The following KLHL40 variants were observed in gnomAD, a reference collection of about 807,000 sequenced individuals.
The protein encoded by KLHL40 is kelch-like protein 40.
Under a neutral mutation model 49.7 loss-of-function variants are expected in KLHL40, and 44 were observed. The ratio of observed to expected loss-of-function variants is 0.89; its 90% CI spans 0.70 to 1.14. The LOEUF (loss-of-function observed/expected upper bound fraction) is 1.14, where lower values mean the gene tolerates loss of function less well. Ranked by LOEUF, KLHL40 falls within the 50% of genes most tolerant of loss-of-function variation. The probability of loss-of-function intolerance (pLI) is 0.00; values close to 1 mark genes in which losing one functional copy is unlikely to be tolerated. For synonymous variants in KLHL40, 409 were observed against 365.2 expected, an observed-to-expected ratio of 1.12 and a Z score of -1.37; for missense variants, 892 against 850.3, an observed-to-expected ratio of 1.05 and a Z score of -0.61.
chr3:42,687,189 A>C (rs1349022300), intron 1 of KLHL40, among the ~76,000 whole-genome samples: 1 of 152,180 alleles, frequency 6.6e-6, no homozygotes, highest in African/African-American at 2.4e-5. Context: ...CAGATGAGGA[A>C]ACTGAGGCCC....
At position 42,690,936 on chromosome 3, in the gene KLHL40, T is replaced by C. The variant is rs2125846118; in HGVS notation, c.1685T>C (p.Ile562Thr). 1 of 1,613,638 alleles carries C rather than the reference T, an allele frequency of 6.2e-7. No individual in the cohort carries two copies. Among genetic ancestry groups the C allele is most frequent in the East Asian group, 2.2e-5 (1 of 44,876 alleles). Residue 562 changes from isoleucine to threonine, a missense_variant, in exon 5 of 6, where the codon ATT (isoleucine) becomes ACT (threonine). Physicochemically the swap from Ile to Thr is moderately conservative, Grantham distance 89. Coordinates refer to ENST00000287777, the MANE Select transcript of KLHL40 (RefSeq NM_152393.4). ...LVSLVGTLYAIGGFATLETES... is the reference protein window; with the variant it reads ...LVSLVGTLYATGGFATLETES... ...AGCCTGGTGGGTACCCTCTATGCCA[T>C]TGGTGGCTTTGCCACACTGGAGACG...
At position 42,688,662 on chromosome 3, in the gene KLHL40, A is replaced by T; in HGVS notation, c.1366A>T (p.Thr456Ser). ...GCTGCCTTACGTGGTGTATGGCCACACAGTGCTCTCCCACATGGACCTTGT... is the reference window on the plus strand; with the variant it reads ...GCTGCCTTACGTGGTGTATGGCCACTCAGTGCTCTCCCACATGGACCTTGT... ...DPLPYVVYGH[T>S]VLSHMDLVYV... Residue 456 changes from threonine to serine, a missense_variant, in exon 3 of 6, where the codon ACA becomes TCA. Coordinates refer to ENST00000287777, the MANE Select transcript of KLHL40 (RefSeq NM_152393.4). This position sits in a 1 kb window ranked among gnomAD's most constrained non-coding sequence, Gnocchi z 4.2. The T allele has an allele frequency of 6.2e-7, 1 of 1,614,066 alleles. No homozygotes were observed. Among genetic ancestry groups the T allele is most frequent in the Non-Finnish European group, 8.5e-7 (1 of 1,180,022 alleles).
chr3:42,690,970 A>G lies in KLHL40; in HGVS notation c.1719A>G (p.Gly573=). 6.2e-7 allele frequency: 1 copy of G among 1,613,332 alleles called. No individual in the cohort carries two copies. Among genetic ancestry groups the G allele is most frequent in the East Asian group, 2.2e-5 (1 of 44,854 alleles). The change falls in exon 5 of 6, where the codon GGA becomes GGG. Residue 573 remains glycine, a synonymous_variant. Coordinates refer to ENST00000287777, the MANE Select transcript of KLHL40 (RefSeq NM_152393.4). ...GGFATLETES[G]ELVPTELNDI... is the part of the protein sequence containing the mutation. The stretch of plus-strand genomic sequence containing the variant: ...TTGCCACACTGGAGACGGAGTCTGG[A>G]GAGCTGGTTCCCACAGAGCTCAATG...
In KLHL40 at chr3:42,688,920, G is replaced by A; in HGVS notation, c.1473G>A (p.Lys491=). Residue 491 remains lysine, a synonymous_variant, in exon 4 of 6, where the codon AAG becomes AAA. Transcript: ENST00000287777. This position sits in a 1 kb window ranked among gnomAD's most constrained non-coding sequence, Gnocchi z 4.2. ...CVYDPKKFEW[K]ELAPMQTARS... is the part of the protein sequence containing the mutation. ...ATGACCCCAAGAAGTTTGAGTGGAAGGAGCTGGCACCCATGCAGACCGCCC... is the reference window on the plus strand; with the variant it reads ...ATGACCCCAAGAAGTTTGAGTGGAAAGAGCTGGCACCCATGCAGACCGCCC... 6.2e-7 allele frequency: 1 copy of A among 1,614,178 alleles called. No homozygotes were observed. Among genetic ancestry groups the A allele is most frequent in the Non-Finnish European group, 8.5e-7 (1 of 1,180,018 alleles).
chr3:42,689,835 G>A (rs763034976), intron 4 of KLHL40, among the ~76,000 whole-genome samples: 20 of 152,130 alleles, frequency 1.3e-4, no homozygotes, highest in Non-Finnish European at 2.2e-4. Flanking sequence ...CTCGGTATGC[G>A]GAGGGCTGAA....
Position 42,692,035 on chromosome 3 carries a change from G to T in KLHL40, c.*42G>T. The T allele has an allele frequency of 1.6e-6, 2 of 1,214,116 alleles. No individual in the cohort carries two copies. Among genetic ancestry groups the T allele is most frequent in the South Asian group, 1.2e-5 (1 of 82,520 alleles). 75.2% of individuals were successfully genotyped at this position (1,214,116 alleles called of 1,614,324 possible). The stretch of plus-strand genomic sequence containing the variant: ...GAACTAAGCACCCCTCCCATCCTGC[G>T]ACCCTCACTGGCCTGGCCTTGTGGG... On this transcript the variant is annotated 3_prime_UTR_variant, in exon 6 of 6. Transcript: ENST00000287777.
intron 1 of KLHL40, among the ~76,000 whole-genome samples, 158 bp from the exon 2 acceptor site, chr3:42,687,984 A>G (rs766702628): frequency 6.6e-6 from 1 of 151,920 alleles, no homozygotes; most frequent in Non-Finnish European, 1.5e-5. Flanking sequence ...TCTCAGCCTG[A>G]TGGTAGGAGG....
Position 42,692,009 on chromosome 3 carries a change from T to G in KLHL40, c.*16T>G, listed in dbSNP as rs1397925317. On this transcript the variant is annotated 3_prime_UTR_variant, in exon 6 of 6. Coordinates refer to ENST00000287777, the MANE Select transcript of KLHL40 (RefSeq NM_152393.4). The stretch of plus-strand genomic sequence containing the variant: ...TAAGATGTGACCAGCTCAGGCAGAC[T>G]GAACTAAGCACCCCTCCCATCCTGC... The G allele has an allele frequency of 6.8e-7, 1 of 1,465,130 alleles. No homozygotes were observed. The highest frequency in any genetic ancestry group is 9.6e-7 in the Non-Finnish European group (1 of 1,044,514). 90.8% of individuals were successfully genotyped at this position (1,465,130 alleles called of 1,614,324 possible). A position where few individuals can be genotyped will look rare whatever the true frequency, so the allele number is the denominator to read the frequency against.
intron 5 of KLHL40, 52 bp downstream of exon 5, chr3:42,691,057 C>G (rs1007229565): frequency 6.5e-7 from 1 of 1,535,964 alleles, no homozygotes. Context: ...GGCTGACACC[C>G]CATAGCACCA....
In KLHL40 at chr3:42,686,351, C is replaced by T; in HGVS notation, c.733C>T (p.Arg245Cys). ...CCGCGTGGAGCGCCACCCTCTCGTGCGTGCCCAGCCCGAGTTGCTGCGCAA... is the reference window on the plus strand; with the variant it reads ...CCGCGTGGAGCGCCACCCTCTCGTGTGTGCCCAGCCCGAGTTGCTGCGCAA... Reference protein sequence around the residue: ...ESRVERHPLVRAQPELLRKVQ... With the variant: ...ESRVERHPLVCAQPELLRKVQ... The change falls in exon 1 of 6, where the codon CGT becomes TGT. Residue 245 changes from arginine to cysteine, a missense_variant. By Grantham distance (180) the Arg-to-Cys change is radical. Coordinates refer to ENST00000287777, the MANE Select transcript of KLHL40 (RefSeq NM_152393.4). The T allele has an allele frequency of 1.9e-6, 3 of 1,612,666 alleles. No homozygotes were observed. Among genetic ancestry groups the T allele is most frequent in the African/African-American group, 1.3e-5 (1 of 75,020 alleles).
chr3:42,690,226 C>G (rs1307874536), intron 4 of KLHL40, among the ~76,000 whole-genome samples: 1 of 152,094 alleles, frequency 6.6e-6, no homozygotes, highest in African/African-American at 2.4e-5. Context: ...GAGGTCCAAG[C>G]CCTGATGGTG....
rs776029089 is a variant in KLHL40 at position 42,685,825 on chromosome 3, G to A, written c.207G>A (p.Ala69=). 5.2e-5 allele frequency: 84 copies of A among 1,612,876 alleles called. 2 individuals are homozygous for A. In the South Asian group the frequency reaches 8.1e-4, roughly 16 times the overall value. ...GCTTTCTAGCCGAGCCGGAGCGCGC[G>A]GGCGAGCTGCACCTGGAGGAGGTGT... ...RARFLAEPER[A]GELHLEEVSP... is the part of the protein sequence containing the mutation. Residue 69 remains alanine (A), a synonymous_variant, in exon 1 of 6, where the codon GCG becomes GCA. Transcript: ENST00000287777.
intron 1 of KLHL40, among the ~76,000 whole-genome samples, chr3:42,687,477 C>T (rs1697291013): frequency 6.6e-6 from 1 of 152,094 alleles, no homozygotes; most frequent in African/African-American, 2.4e-5. Context: ...GCTCACAGGC[C>T]TTACGGTTGC....
chr3:42,691,988 A>T lies in KLHL40; in HGVS notation c.1861A>T (p.Met621Leu). ...VRLNVLCLTK[M>L] is the part of the protein sequence containing the mutation. ...GCTCAATGTGCTGTGCCTGACTAAG[A>T]TGTGACCAGCTCAGGCAGACTGAAC... The change falls in exon 6 of 6, where the codon ATG (methionine) becomes TTG (leucine). Residue 621 changes from methionine (M) to leucine (L), a missense_variant. By Grantham distance (15) the Met-to-Leu change is conservative. Transcript: ENST00000287777. The T allele has an allele frequency of 6.3e-7, 1 of 1,589,880 alleles. No individual in the cohort carries two copies. Among genetic ancestry groups the T allele is most frequent in the Non-Finnish European group, 8.6e-7 (1 of 1,158,064 alleles).
rs1257985003 is a variant in KLHL40, at chr3:42,692,459, G to C, written c.*466G>C. 2.1e-6 allele frequency: 1 copy of C among 482,224 alleles called. No homozygotes were observed. Among genetic ancestry groups the C allele is most frequent in the Non-Finnish European group, 3.8e-6 (1 of 266,234 alleles). The allele number at this position is 482,224 out of a possible 1,614,324, so 29.9% of individuals were successfully genotyped here. On this transcript the variant is annotated 3_prime_UTR_variant, in exon 6 of 6. Coordinates refer to ENST00000287777, the MANE Select transcript of KLHL40 (RefSeq NM_152393.4). ...GTCTGCATCAGTGCTCCAAGAGTCA[G>C]TGAGCAGGTGTGTTGAAGACTTGGG...
chr3:42,686,752 G>A lies in KLHL40; in HGVS notation c.1134G>A (p.Met378Ile), dbSNP rs371753773. 1.9e-5 allele frequency: 30 copies of A among 1,610,922 alleles called. No homozygotes were observed. The highest frequency in any genetic ancestry group is 2.4e-5 in the Non-Finnish European group (28 of 1,178,932). ...FYNEDNKEDP[M>I]SAYFLQFDHL... is the part of the protein sequence containing the mutation. ...ACGAAGACAACAAAGAGGACCCCAT[G>A]AGCGCATACTTCCTGCAGGTGCCTG... Residue 378 changes from methionine to isoleucine, a missense_variant, in exon 1 of 6, where the codon ATG (methionine) becomes ATA (isoleucine). Physicochemically the swap from Met to Ile is conservative, Grantham distance 10 (BLOSUM62 1). Transcript: ENST00000287777.
chr3:42,686,372 C>A lies in KLHL40; in HGVS notation c.754C>A (p.Arg252Ser). 1 of 1,613,248 alleles carries A rather than the reference C, an allele frequency of 6.2e-7. No homozygotes were observed. Among genetic ancestry groups the A allele is most frequent in the Non-Finnish European group, 8.5e-7 (1 of 1,179,934 alleles). The change falls in exon 1 of 6, where the codon CGC becomes AGC. Residue 252 changes from arginine (R) to serine (S), a missense_variant. Physicochemically the swap from Arg to Ser is moderately radical, Grantham distance 110. Coordinates refer to ENST00000287777, the MANE Select transcript of KLHL40 (RefSeq NM_152393.4). The stretch of plus-strand genomic sequence containing the variant: ...CGTGCGTGCCCAGCCCGAGTTGCTG[C>A]GCAAGGTGCAGATGGTGAAGGATGC... ...PLVRAQPELLRKVQMVKDAHE... is the reference protein window; with the variant it reads ...PLVRAQPELLSKVQMVKDAHE...
At position 42,685,599 on chromosome 3, in the gene KLHL40, C is replaced by T. The variant is rs1169113665; in HGVS notation, c.-20C>T. The T allele has an allele frequency of 1.3e-6, 2 of 1,558,362 alleles. No homozygotes were observed. The highest frequency in any genetic ancestry group is 1.4e-5 in the African/African-American group (1 of 73,472). ...AGAGGAGCCCCCTTGGCACCGCCAC[C>T]GCACCCTAGGCCACCCACCATGGCG... is the stretch of plus-strand genomic sequence containing the variant. On this transcript the variant is annotated 5_prime_UTR_variant, in exon 1 of 6. Coordinates refer to ENST00000287777, the MANE Select transcript of KLHL40 (RefSeq NM_152393.4).
rs773649133 is a variant in KLHL40 at position 42,688,179 on chromosome 3, C to T, written c.1190C>T (p.Pro397Leu). 51 of 1,613,652 alleles carry T rather than the reference C, an allele frequency of 3.2e-5. No individual in the cohort carries two copies. The highest frequency in any genetic ancestry group is 3.9e-5 in the Non-Finnish European group (46 of 1,180,008). ...HLDSEWLGMP[P>L]LPSPRCLFGL... ...GACTCAGAGTGGCTGGGGATGCCAC[C>T]GCTGCCCTCGCCCCGCTGCCTCTTT... The change falls in exon 2 of 6, where the codon CCG (proline) becomes CTG (leucine). Residue 397 changes from proline (P) to leucine (L), a missense_variant. Transcript: ENST00000287777. This position sits in a 1 kb window ranked among gnomAD's most constrained non-coding sequence, Gnocchi z 4.2.
Sources: gnomAD v4.1 joint callset for allele counts (sites outside exome capture counted in the v4.1 genomes callset) on GRCh38, gnomAD v4.1.1 for gene constraint, Gnocchi (gnomAD v3.1) non-coding constraint, MANE v1.5 for transcripts, NCBI Gene and HGNC (gene_info 2026-07-23, HGNC 2026-07-21) for gene names.